MICAL3: variants seen among roughly 807,000 people sequenced by gnomAD.
MICAL3 encodes microtubule associated monooxygenase, calponin and LIM domain containing 3.
MICAL3 carries 62 observed loss-of-function variants against 207.4 expected under a neutral mutation model. The ratio of observed to expected loss-of-function variants is 0.30; its 90% confidence interval spans 0.24 to 0.37. MICAL3 has a LOEUF of 0.37. MICAL3 is among the 10% of genes least tolerant of loss of function. The pLI is 1.00. For missense variants in MICAL3, 2,368 were observed against 2,635.6 expected, an observed-to-expected ratio of 0.90 and a Z score of 2.22; for synonymous variants, 1,077 against 1,069.3, an observed-to-expected ratio of 1.01 and a Z score of -0.14.
chr22:17,870,391 C>T (rs962925575), intron 17 of MICAL3, among the ~76,000 whole-genome samples: 3 of 152,180 alleles, frequency 2.0e-5, no homozygotes, highest in African/African-American at 4.8e-5. Context: ...CCGAGCCTTT[C>T]GCTGCACACA....
intron 1 of MICAL3, among the ~76,000 whole-genome samples, chr22:17,953,780 A>G (rs1222549634): frequency 1.3e-5 from 2 of 151,802 alleles, no homozygotes; most frequent in Non-Finnish European, 2.9e-5. Context: ...AAAATACAAA[A>G]ATTAGCTGAA....
chr22:17,977,507 T>C (rs1935709227), intron 1 of MICAL3, among the ~76,000 whole-genome samples: 1 of 150,484 alleles, frequency 6.6e-6, no homozygotes, highest in Non-Finnish European at 1.5e-5. Context: ...AAATGAGGTA[T>C]CACTTCATAC....
At chr22:18,022,235 G>C (rs1408343281) in intron 1 of MICAL3, among the ~76,000 whole-genome samples, 7 of 152,176 alleles carry the variant, frequency 4.6e-5, no homozygotes, top group Non-Finnish European at 5.9e-5. Flanking sequence ...GTACCTGTGG[G>C]GAAGATTTTA....
At chr22:17,899,186 G>A in intron 7 of MICAL3, 1 of 512,592 alleles carries the variant, frequency 2.0e-6, no homozygotes, top group Non-Finnish European at 3.6e-6. Flanking sequence ...CAGAACACTG[G>A]CCACGTGTTG....
chr22:17,973,361 A>G (rs1181851979), intron 1 of MICAL3, among the ~76,000 whole-genome samples: 1 of 152,214 alleles, frequency 6.6e-6, no homozygotes, highest in Non-Finnish European at 1.5e-5. Context: ...GAAATCTGAT[A>G]AGAGACTTAC....
intron 1 of MICAL3, among the ~76,000 whole-genome samples, chr22:18,013,811 T>A (rs1042593859): frequency 6.6e-6 from 1 of 152,102 alleles, no homozygotes; most frequent in South Asian, 2.1e-4. Flanking sequence ...TCTATTTTTT[T>A]AAAAAGAGAA....
intron 1 of MICAL3, among the ~76,000 whole-genome samples, chr22:17,997,387 A>G (rs919576210): frequency 1.3e-5 from 2 of 152,126 alleles, no homozygotes; most frequent in Non-Finnish European, 2.9e-5. Context: ...TAAATACTTC[A>G]TTCTCTGCAA....
chr22:17,847,017 G>GC (rs1180986883), intron 19 of MICAL3, among the ~76,000 whole-genome samples: 1 of 152,210 alleles, frequency 6.6e-6, no homozygotes, highest in Non-Finnish European at 1.5e-5. Flanking sequence ...CGGCTGCTGG[G>GC]CAAGAGCTGG....
Position 17,818,430 on chromosome 22 carries a change from C to G in MICAL3, c.4231G>C (p.Glu1411Gln). 1 of 1,612,658 alleles carries G rather than the reference C, an allele frequency of 6.2e-7. No homozygotes were observed. The highest frequency in any genetic ancestry group is 8.5e-7 in the Non-Finnish European group (1 of 1,179,878). The change falls in exon 26 of 32, where the codon GAG (glutamate) becomes CAG (glutamine). Residue 1411 changes from glutamate to glutamine, a missense_variant. Glu to Gln is a conservative substitution (Grantham distance 29). Transcript: ENST00000441493. ...CGCTCCTCCTGGGCGCTGCGTAGCT[C>G]TCTGTCGGACGGGGACCGGGGGGTT... Reference protein sequence around the residue: ...LPTPRSPSDRELRSAQEERRE... With the variant: ...LPTPRSPSDRQLRSAQEERRE...
At chr22:17,896,591 T>C in intron 8 of MICAL3, 133 bp downstream of exon 8, 2 of 959,820 alleles carry the variant, frequency 2.1e-6, no homozygotes, top group South Asian at 1.7e-5. Context: ...CTCTACTTCC[T>C]GGTGTGACTC....
chr22:17,834,521 T>G (rs1923155306), intron 20 of MICAL3: 1 of 1,221,508 alleles, frequency 8.2e-7, no homozygotes, highest in East Asian at 6.2e-5. Context: ...TTTGAGACCA[T>G]CCTGGGCAAC....
At chr22:17,927,670 A>G (rs1932985412) in intron 1 of MICAL3, among the ~76,000 whole-genome samples, 1 of 151,822 alleles carries the variant, frequency 6.6e-6, no homozygotes, top group Admixed American at 6.6e-5. Flanking sequence ...CCTAGAACAC[A>G]CTTTCCCCAC....
intron 19 of MICAL3, among the ~76,000 whole-genome samples, chr22:17,843,104 A>G (rs1022282381): frequency 9.1e-5 from 13 of 142,100 alleles, no homozygotes; most frequent in Admixed American, 3.5e-4. Flanking sequence ...CTGGGTGACA[A>G]AGCGAGACTT....
intron 29 of MICAL3, among the ~76,000 whole-genome samples, chr22:17,799,949 AACACACACACAC>A (rs3078144): frequency 0.012 from 1,776 of 146,804 alleles, 20 homozygotes; most frequent in Non-Finnish European, 0.018. Context: ...CTCACTCTAA[AACACACACACAC>A]ACACACACAC....
chr22:17,865,772 T>C (rs1329825705), intron 18 of MICAL3, among the ~76,000 whole-genome samples, 152 bp downstream of exon 18: 1 of 152,206 alleles, frequency 6.6e-6, no homozygotes, highest in Admixed American at 6.5e-5. Flanking sequence ...TGGTTCCCTC[T>C]CCACCCCGGA....
At position 17,892,292 on chromosome 22, in the gene MICAL3, C is replaced by T. The variant is rs375193749; in HGVS notation, c.1547-660G>A. 7.2e-5 allele frequency among the ~76,000 whole-genome samples: 11 copies of T among 152,302 alleles called. No homozygotes were observed. The East Asian group carries it at 1.7e-3, about 24-fold the overall frequency. On this transcript the variant is annotated intron_variant, in intron 11 of 31. Coordinates refer to ENST00000441493, the MANE Select transcript of MICAL3 (RefSeq NM_015241.3). Reference sequence around the variant, plus strand: ...ATGTGCTGGGATGCTTTTTACAGTTCATTGAAACGTCTTCTAAAACCCGAA... The same window carrying T: ...ATGTGCTGGGATGCTTTTTACAGTTTATTGAAACGTCTTCTAAAACCCGAA...
chr22:17,802,796 G>A (rs1248978202), intron 29 of MICAL3, among the ~76,000 whole-genome samples: 9 of 152,116 alleles, frequency 5.9e-5, no homozygotes, highest in Non-Finnish European at 1.3e-4. Flanking sequence ...TCTAGGCATG[G>A]AGCCTCCACG....
chr22:17,838,538 C>CGACTT (rs1923647218), intron 20 of MICAL3, among the ~76,000 whole-genome samples: 1 of 152,186 alleles, frequency 6.6e-6, no homozygotes, highest in East Asian at 1.9e-4. Context: ...ATCCTCAAAA[C>CGACTT]AAACCTATGA....
At chr22:17,839,046 C>T (rs1349757486) in intron 20 of MICAL3, among the ~76,000 whole-genome samples, 2 of 140,408 alleles carry the variant, frequency 1.4e-5, no homozygotes, top group Non-Finnish European at 3.0e-5. Context: ...ACTGTAACTT[C>T]TGCCTCCCTG....
Sources: gnomAD v4.1 joint callset for allele counts (sites outside exome capture counted in the v4.1 genomes callset) on GRCh38, gnomAD v4.1.1 for gene constraint, MANE v1.5 for transcripts, NCBI Gene and HGNC (gene_info 2026-07-23, HGNC 2026-07-21) for gene names.